The following TRPA1 variants were observed in gnomAD, a reference collection of about 807,000 sequenced individuals.
TRPA1 encodes the protein ankyrin-like with transmembrane domains 1.
Under a neutral mutation model 131.3 loss-of-function variants are expected in TRPA1, and 129 were observed. The observed-to-expected ratio is 0.98, with a 90% CI of 0.85 to 1.14. The LOEUF (loss-of-function observed/expected upper bound fraction) is 1.14, where lower values mean the gene tolerates loss of function less well. Among genes scored for constraint, TRPA1 ranks in the 50% most tolerant of loss-of-function variants. The pLI, the probability that TRPA1 is intolerant of heterozygous loss-of-function variation, is 0.00. For synonymous variants in TRPA1, 441 were observed against 451.7 expected, an observed-to-expected ratio of 0.98 and a Z score of 0.30; for missense variants, 1,304 against 1,354.2, an observed-to-expected ratio of 0.96 and a Z score of 0.58.
chr8:72,022,860 C>T lies in TRPA1; in HGVS notation c.*46G>A, dbSNP rs1332798247. The T allele has an allele frequency of 6.5e-7, 1 of 1,548,252 alleles. No individual in the cohort carries two copies. The highest frequency in any genetic ancestry group is 8.9e-7 in the Non-Finnish European group (1 of 1,121,552). On this transcript the variant is annotated 3_prime_UTR_variant, in exon 27 of 27. Coordinates refer to ENST00000262209, the MANE Select transcript of TRPA1 (RefSeq NM_007332.3). ...TTTTTAAATTGAAAGTTAGAACCAG[C>T]AAGTCATGCACCCCCCATTAGAAGC...
chr8:72,087,843 A>G, the TRPA1 span, among the ~76,000 whole-genome samples: 4 of 151,952 alleles, frequency 2.6e-5, no homozygotes, highest in East Asian at 1.9e-4. Flanking sequence ...TGTATTTTAG[A>G]TCTCTGTCCA....
intron 8 of TRPA1, among the ~76,000 whole-genome samples, 168 bp from the exon 9 acceptor site, chr8:72,057,984 T>G (rs749141188): frequency 2.6e-5 from 4 of 152,206 alleles, no homozygotes; most frequent in Non-Finnish European, 5.9e-5. Context: ...ATAGTTCATA[T>G]GTTGTATCAT....
Position 72,057,818 on chromosome 8 carries a change from T to C in TRPA1, c.994-2A>G. 6.2e-7 allele frequency: 1 copy of C among 1,609,114 alleles called. No homozygotes were observed. Among genetic ancestry groups the C allele is most frequent in the Non-Finnish European group, 8.5e-7 (1 of 1,175,620 alleles). On this transcript the variant is annotated splice_acceptor_variant, in intron 8 of 26. Transcript: ENST00000262209. LOFTEE classifies it high-confidence loss of function. Reference sequence around the variant, plus strand: ...ATCGATCTTATTAATATCTGCTCCCTAAAAATCAAACAAACCATTCAACAA... The same window carrying C: ...ATCGATCTTATTAATATCTGCTCCCCAAAAATCAAACAAACCATTCAACAA...
chr8:72,058,667 T>C (rs1244160847), intron 8 of TRPA1, among the ~76,000 whole-genome samples: 1 of 152,144 alleles, frequency 6.6e-6, no homozygotes, highest in East Asian at 1.9e-4. Context: ...TGGTTTATGG[T>C]TTATGGCATA....
At chr8:72,075,265 G>A (rs1226567827) in intron 1 of TRPA1, 34 bp downstream of exon 1, 1 of 1,554,694 alleles carries the variant, frequency 6.4e-7, no homozygotes, top group East Asian at 2.2e-5. Flanking sequence ...CCCGCACGTC[G>A]GAACCCCTCC....
At chr8:72,037,243 A>C (rs759547998) in intron 20 of TRPA1, among the ~76,000 whole-genome samples, 3 of 152,172 alleles carry the variant, frequency 2.0e-5, no homozygotes, top group Non-Finnish European at 2.9e-5. Flanking sequence ...GCAAATATCT[A>C]TGTGCTTACG....
intron 5 of TRPA1, 68 bp from the exon 6 acceptor site, chr8:72,063,012 A>C (rs878934158): frequency 1.4e-6 from 2 of 1,438,100 alleles, no homozygotes; most frequent in Non-Finnish European, 9.5e-7. Flanking sequence ...TTTTTGTTAA[A>C]AAATATGAAC....
At chr8:72,025,105 CGTGTGTGT>C (rs71265963) in intron 25 of TRPA1, among the ~76,000 whole-genome samples, 1,396 of 120,196 alleles carry the variant, frequency 0.012, 22 homozygotes, top group African/African-American at 0.035. Flanking sequence ...TGTGTGTGTT[CGTGTGTGT>C]GTGTGTGTGT....
At chr8:72,052,280 G>A (rs975894670) in intron 14 of TRPA1, among the ~76,000 whole-genome samples, 1 of 152,078 alleles carries the variant, frequency 6.6e-6, no homozygotes, top group Non-Finnish European at 1.5e-5. Context: ...AAATTAGCTG[G>A]GCATGCTGGC....
intron 23 of TRPA1, among the ~76,000 whole-genome samples, chr8:72,030,985 A>G (rs1811793643): frequency 6.6e-6 from 1 of 152,228 alleles, no homozygotes; most frequent in Non-Finnish European, 1.5e-5. Flanking sequence ...CACCAGAAAG[A>G]AAAGTCAGTG....
Position 72,053,801 on chromosome 8 carries a change from G to A in TRPA1, c.1596C>T (p.Val532=), listed in dbSNP as rs1254280340. 1 of 1,612,586 alleles carries A rather than the reference G, an allele frequency of 6.2e-7. No homozygotes were observed. Residue 532 remains valine (V), a synonymous_variant, in exon 13 of 27, where the codon GTC becomes GTT. Coordinates refer to ENST00000262209, the MANE Select transcript of TRPA1 (RefSeq NM_007332.3). ...TGCACTTCAAATTAGTATCAAGAAT[G>A]ACCTTCATGGTCTGAGTGTACCCGC... ...SMGGYTQTMK[V]ILDTNLKCTD... is the part of the protein sequence containing the mutation.
chr8:72,055,924 T>A, intron 10 of TRPA1, 69 bp from the exon 11 acceptor site: 2 of 1,523,192 alleles, frequency 1.3e-6, no homozygotes, highest in Non-Finnish European at 1.8e-6. Flanking sequence ...TTCAAACTAT[T>A]CTGTAGGAAA....
chr8:72,069,169 T>C lies in TRPA1; in HGVS notation c.298A>G (p.Thr100Ala), dbSNP rs984731749. ...VLHEMDDYGN[T>A]PLHCAVEKNQ... ...TTTTCTACAGCACAATGCAGAGGGG[T>C]ATTTCCATAATCATCCATTTCATGC... The change falls in exon 3 of 27, where the codon ACC becomes GCC. Residue 100 changes from threonine (T) to alanine (A), a missense_variant. Thr to Ala is a moderately conservative substitution (Grantham distance 58). Transcript: ENST00000262209. The C allele has an allele frequency of 1.2e-6, 2 of 1,614,158 alleles. No homozygotes were observed.
At chr8:72,066,131 C>G (rs1178188532) in intron 3 of TRPA1, among the ~76,000 whole-genome samples, 1 of 152,120 alleles carries the variant, frequency 6.6e-6, no homozygotes, top group Non-Finnish European at 1.5e-5. Flanking sequence ...TTAATTCAAA[C>G]TTGGCCTGGA....
chr8:72,083,795 C>T, the TRPA1 span, among the ~76,000 whole-genome samples: 1 of 152,006 alleles, frequency 6.6e-6, no homozygotes, highest in Non-Finnish European at 1.5e-5. Flanking sequence ...GTAACTTTCT[C>T]GGGCTTAAAC....
intron 9 of TRPA1, among the ~76,000 whole-genome samples, chr8:72,057,395 T>C (rs1805696051): frequency 6.6e-6 from 1 of 152,222 alleles, no homozygotes; most frequent in Admixed American, 6.5e-5. Context: ...GGGAAAGTTA[T>C]AGTACCTACA....
chr8:72,036,523 A>G, intron 20 of TRPA1, 66 bp from the exon 21 acceptor site: 1 of 1,430,510 alleles, frequency 7.0e-7, no homozygotes. Flanking sequence ...GGTTATATAC[A>G]TGCACCCCGT....
chr8:72,078,109 C>T (rs1806223755), upstream of TRPA1, among the ~76,000 whole-genome samples: 1 of 151,558 alleles, frequency 6.6e-6, no homozygotes, highest in Non-Finnish European at 1.5e-5. Context: ...CAAAATTCTC[C>T]TTAATTATTT....
At chr8:72,035,433 C>A (rs1329440708) in intron 21 of TRPA1, among the ~76,000 whole-genome samples, 2 of 152,182 alleles carry the variant, frequency 1.3e-5, no homozygotes, top group Admixed American at 6.5e-5. Flanking sequence ...GTGAAAAAAA[C>A]ATGCTTCCTG....
Sources: allele counts gnomAD v4.1 joint callset (sites outside exome capture counted in the v4.1 genomes callset), GRCh38; gene constraint gnomAD v4.1.1; transcripts MANE v1.5; gene names NCBI Gene and HGNC (gene_info 2026-07-23, HGNC 2026-07-21).